The following CIB4 variants were observed in gnomAD, a reference collection of about 807,000 sequenced individuals.
CIB4 encodes calcium and integrin-binding family member 4.
In CIB4, 25 loss-of-function variants were observed where a neutral mutation model predicts 25.8. That is an observed-to-expected ratio of 0.97 (90% confidence interval 0.71 to 1.35). CIB4 has a LOEUF of 1.35. Ranked by LOEUF, CIB4 falls within the 40% of genes most tolerant of loss-of-function variation. The pLI, the probability that CIB4 is intolerant of heterozygous loss-of-function variation, is 0.00. For synonymous variants in CIB4, 75 were observed against 81.4 expected, an observed-to-expected ratio of 0.92 and a Z score of 0.42; for missense variants, 235 against 228.2, an observed-to-expected ratio of 1.03 and a Z score of -0.19.
intron 4 of CIB4, among the ~76,000 whole-genome samples, chr2:26,588,982 T>C (rs1230461811): frequency 1.3e-4 from 3 of 22,618 alleles, no homozygotes; most frequent in East Asian, 2.0e-3. Context: ...TTCTTCTTTC[T>C]TCTTCTTCTT....
intron 3 of CIB4, among the ~76,000 whole-genome samples, chr2:26,608,715 C>T (rs1164409085): frequency 6.6e-6 from 1 of 152,182 alleles, no homozygotes. Flanking sequence ...CCCAGCCTCA[C>T]TCCAGTGCAA....
At chr2:26,623,688 G>A (rs993651312) in intron 3 of CIB4, 11 of 371,414 alleles carry the variant, frequency 3.0e-5, no homozygotes, top group South Asian at 8.6e-5. Flanking sequence ...GGGTCTATGC[G>A]AAGACCATCT....
chr2:26,609,211 C>T (rs1262797946), intron 3 of CIB4, among the ~76,000 whole-genome samples: 1 of 152,166 alleles, frequency 6.6e-6, no homozygotes, highest in African/African-American at 2.4e-5. Flanking sequence ...CCCCTCTGGT[C>T]TGAACAGGCC....
At chr2:26,602,540 A>G (rs1668812267) in intron 3 of CIB4, among the ~76,000 whole-genome samples, 2 of 152,248 alleles carry the variant, frequency 1.3e-5, no homozygotes, top group Non-Finnish European at 2.9e-5. Context: ...AGACATCAAT[A>G]TGAACTAATG....
chr2:26,589,660 T>G (rs1668548853), intron 4 of CIB4, among the ~76,000 whole-genome samples: 1 of 152,190 alleles, frequency 6.6e-6, no homozygotes, highest in African/African-American at 2.4e-5. Flanking sequence ...CTCCTGTCTT[T>G]CTTACTAACA....
chr2:26,591,723 A>T (rs757678064), intron 4 of CIB4, among the ~76,000 whole-genome samples: 12 of 152,166 alleles, frequency 7.9e-5, no homozygotes, highest in Non-Finnish European at 1.8e-4. Flanking sequence ...GCTGTCTTTT[A>T]TGACTCCATC....
At chr2:26,638,606 A>T (rs1669577125) in intron 2 of CIB4, among the ~76,000 whole-genome samples, 2 of 152,154 alleles carry the variant, frequency 1.3e-5, no homozygotes, top group African/African-American at 2.4e-5. Context: ...CCTTGCTGAG[A>T]GTACAAACTG....
intron 4 of CIB4, among the ~76,000 whole-genome samples, chr2:26,590,232 C>T (rs555615044): frequency 6.4e-4 from 89 of 140,152 alleles, no homozygotes; most frequent in African/African-American, 2.2e-3. Flanking sequence ...TCCATCAGGT[C>T]CCTGGAGCTG....
At chr2:26,637,000 C>T (rs72857996) in intron 2 of CIB4, among the ~76,000 whole-genome samples, 3,077 of 152,194 alleles carry the variant, frequency 0.02, 109 homozygotes, top group African/African-American at 0.07. Context: ...CCTTAGCTTT[C>T]GATTTCTACT....
At chr2:26,640,698 TTGAG>T in intron 1 of CIB4, 131 bp from the exon 2 acceptor site, 1 of 908,194 alleles carries the variant, frequency 1.1e-6, no homozygotes, top group Non-Finnish European at 1.7e-6. Context: ...GAACCCCAGG[TTGAG>T]GTGGATGCCT....
intron 2 of CIB4, among the ~76,000 whole-genome samples, chr2:26,638,158 G>A (rs796344746): frequency 3.3e-5 from 5 of 152,290 alleles, no homozygotes; most frequent in African/African-American, 1.2e-4. Context: ...TGTTAGAGAA[G>A]TTTGCACTGA....
chr2:26,589,132 TTCTTCTTCTCCTTCC>T (rs1558555217), intron 4 of CIB4, among the ~76,000 whole-genome samples: 2,020 of 136,604 alleles, frequency 0.015, 151 homozygotes, highest in South Asian at 0.046. Flanking sequence ...CTTCTTCTTC[TTCTTCTTCTCCTTCC>T]CCTTCCCCTT....
intron 3 of CIB4, among the ~76,000 whole-genome samples, chr2:26,610,615 C>T (rs1412790113): frequency 6.6e-6 from 1 of 152,196 alleles, no homozygotes; most frequent in Non-Finnish European, 1.5e-5. Context: ...TATTAAGTAC[C>T]CAGACCTCTG....
chr2:26,589,015 T>TTCC, intron 4 of CIB4, among the ~76,000 whole-genome samples: 2 of 29,768 alleles, frequency 6.7e-5, no homozygotes, highest in East Asian at 1.2e-3. Flanking sequence ...CTTCTTCTTC[T>TTCC]TCTTCTTCTT....
chr2:26,632,819 T>G (rs1023326076), intron 2 of CIB4, among the ~76,000 whole-genome samples: 2 of 151,594 alleles, frequency 1.3e-5, no homozygotes, highest in Non-Finnish European at 2.9e-5. Flanking sequence ...CCGGCTCCAG[T>G]CAAAAGGAGC....
chr2:26,632,552 T>G (rs986343394), intron 2 of CIB4, among the ~76,000 whole-genome samples: 1 of 150,408 alleles, frequency 6.6e-6, no homozygotes, highest in Non-Finnish European at 1.5e-5. Context: ...AGGTCAGGAG[T>G]TCGAGAGCAG....
chr2:26,583,689 G>T (rs1230644680), intron 5 of CIB4, 100 bp downstream of exon 5: 2 of 775,592 alleles, frequency 2.6e-6, no homozygotes, highest in Non-Finnish European at 4.6e-6. Flanking sequence ...CTGGCCCTGG[G>T]TCTCCTCCCA....
intron 2 of CIB4, among the ~76,000 whole-genome samples, chr2:26,630,728 C>A (rs1210863830): frequency 1.3e-5 from 2 of 152,092 alleles, no homozygotes; most frequent in Non-Finnish European, 2.9e-5. Flanking sequence ...AAATCTCCCC[C>A]CACACACTCG....
chr2:26,634,034 G>A lies in CIB4; in HGVS notation c.90-4528C>T, dbSNP rs186403078. Reference sequence around the variant, plus strand: ...GCCTCTGAGACCCTCTAGCTTAGTAGTTCTCAACGGGGTCCCACGTAAGAA... The same window carrying A: ...GCCTCTGAGACCCTCTAGCTTAGTAATTCTCAACGGGGTCCCACGTAAGAA... On this transcript the variant is annotated intron_variant, in intron 2 of 6. Coordinates refer to ENST00000288861, the MANE Select transcript of CIB4 (RefSeq NM_001029881.3). Among the ~76,000 whole-genome samples the A allele has an allele frequency of 2.6e-3, 391 of 152,264 alleles. 2 individuals are homozygous for A. The highest frequency in any genetic ancestry group is 7.6e-4 in the Non-Finnish European group (52 of 68,012).
Sources: allele counts gnomAD v4.1 joint callset (sites outside exome capture counted in the v4.1 genomes callset), GRCh38; gene constraint gnomAD v4.1.1; transcripts MANE v1.5; gene names NCBI Gene and HGNC (gene_info 2026-07-23, HGNC 2026-07-21).